Variants in DBI observed in about 807,000 individuals in gnomAD.
The protein encoded by DBI is diazepam binding inhibitor, acyl-CoA binding protein, also known as acyl-CoA-binding protein.
Under a neutral mutation model 13.0 loss-of-function variants are expected in DBI, and 12 were observed. That is an observed-to-expected ratio of 0.92 (90% CI 0.59 to 1.49). The LOEUF is 1.49. DBI is among the 40% of genes most tolerant of loss of function. The probability of loss-of-function intolerance (pLI) is 0.00; values close to 1 mark genes in which losing one functional copy is unlikely to be tolerated. For synonymous variants in DBI, 37 were observed against 37.4 expected (o/e 0.99, Z 0.04); for missense variants, 95 against 104.8 (o/e 0.91, Z 0.41).
chr2:119,367,634 C>T lies in DBI; in HGVS notation c.10-554C>T, dbSNP rs201747863. The T allele has an allele frequency of 1.2e-5, 20 of 1,614,148 alleles. No individual in the cohort carries two copies. The Admixed American group carries it at 2.2e-4, about 17-fold the overall frequency. On this transcript the variant is annotated intron_variant, in intron 1 of 3. Transcript: ENST00000355857. Reference sequence around the variant, plus strand: ...CCGCCTGCCTCTGCCAATCCGGGCACTGGGACAGAGGTCGGTGTTGAACGC... The same window carrying T: ...CCGCCTGCCTCTGCCAATCCGGGCATTGGGACAGAGGTCGGTGTTGAACGC...
intron 3 of DBI, among the ~76,000 whole-genome samples, chr2:119,371,197 A>AT (rs1681493463): frequency 6.6e-6 from 1 of 152,150 alleles, no homozygotes; most frequent in South Asian, 2.1e-4. Context: ...GTTCCTTCCT[A>AT]GCCAGAAGGA....
chr2:119,367,860 G>A, intron 1 of DBI: 1 of 1,613,990 alleles, frequency 6.2e-7, no homozygotes, highest in Non-Finnish European at 8.5e-7. Context: ...CCCGCAGAGG[G>A]GACCCCCACT....
In DBI at chr2:119,372,437, A is replaced by T; in HGVS notation, c.*119A>T. ...AATAACCAGTTAAACCAGCTACTCA[A>T]GGCTGCTCACCATACGGCTCTAACA... On this transcript the variant is annotated 3_prime_UTR_variant, in exon 4 of 4. Coordinates refer to ENST00000355857, the MANE Select transcript of DBI (RefSeq NM_001079862.4). The T allele has an allele frequency of 1.3e-6, 1 of 742,422 alleles. No homozygotes were observed. The allele number at this position is 742,422 out of a possible 1,614,324, so 46.0% of individuals were successfully genotyped here.
chr2:119,370,443 T>TA (rs1245927133), intron 2 of DBI: 11 of 213,634 alleles, frequency 5.1e-5, no homozygotes, highest in Non-Finnish European at 8.2e-5. Flanking sequence ...ATTTTTTTTT[T>TA]AATTGTAATT....
intron 3 of DBI, 105 bp from the exon 4 acceptor site, chr2:119,372,140 A>G: frequency 1.3e-6 from 1 of 781,712 alleles, no homozygotes; most frequent in Non-Finnish European, 2.2e-6. Flanking sequence ...ATTAAGTGAG[A>G]AACTGAGCCT....
chr2:119,370,467 T>C (rs902501459), intron 2 of DBI: 4 of 275,432 alleles, frequency 1.5e-5, no homozygotes, highest in African/African-American at 2.2e-5. Context: ...GTATAATTTT[T>C]TTAAAAGAGA....
chr2:119,367,954 T>A (rs1338076026), intron 1 of DBI: 1 of 1,614,084 alleles, frequency 6.2e-7, no homozygotes, highest in Admixed American at 1.7e-5. Context: ...GATATATGGT[T>A]TTCGATTGAA....
At chr2:119,372,017 G>T (rs530752885) in intron 3 of DBI, among the ~76,000 whole-genome samples, 3 of 152,212 alleles carry the variant, frequency 2.0e-5, no homozygotes, top group Non-Finnish European at 2.9e-5. Context: ...GCAGATGGGC[G>T]ACAGATCTTG....
At chr2:119,371,912 C>T (rs1404316225) in intron 3 of DBI, among the ~76,000 whole-genome samples, 1 of 152,242 alleles carries the variant, frequency 6.6e-6, no homozygotes, top group South Asian at 2.1e-4. Context: ...AAAGTCACCA[C>T]GATGACAGTT....
intron 2 of DBI, chr2:119,370,351 T>C (rs1681422706): frequency 6.4e-6 from 1 of 156,038 alleles, no homozygotes; most frequent in South Asian, 2.0e-4. Flanking sequence ...GGGAGAGAAA[T>C]TGGGTAGCTA....
intron 2 of DBI, chr2:119,368,518 T>C: frequency 1.9e-6 from 1 of 539,582 alleles, no homozygotes; most frequent in Non-Finnish European, 3.3e-6. Flanking sequence ...AGAAGGTCTT[T>C]ACTGGTTATC....
chr2:119,371,493 A>G (rs549076067), intron 3 of DBI, among the ~76,000 whole-genome samples: 2 of 152,338 alleles, frequency 1.3e-5, no homozygotes, highest in African/African-American at 4.8e-5. Flanking sequence ...AGGATCTGCA[A>G]GTAACTGGGA....
At chr2:119,367,567 C>G (rs1410069033) in intron 1 of DBI, 2 of 1,614,056 alleles carry the variant, frequency 1.2e-6, no homozygotes, top group Non-Finnish European at 8.5e-7. Context: ...AGTGTAGACC[C>G]TTGTCTGAGA....
chr2:119,371,029 G>C (rs1211220344), intron 3 of DBI, among the ~76,000 whole-genome samples: 1 of 152,198 alleles, frequency 6.6e-6, no homozygotes, highest in Non-Finnish European at 1.5e-5. Context: ...CATCTAGAGA[G>C]GAGGGGCTGG....
In DBI at chr2:119,368,287, G is replaced by C; in HGVS notation, c.109G>C (p.Val37Leu). The stretch of plus-strand genomic sequence containing the variant: ...CTATGGCCACTACAAACAAGCAACT[G>C]TGGGCGACATAAATACAGGTATGCA... Reference protein sequence around the residue: ...FIYGHYKQATVGDINTERPGM... With the variant: ...FIYGHYKQATLGDINTERPGM... Residue 37 changes from valine to leucine, a missense_variant, in exon 2 of 4, where the codon GTG becomes CTG. Transcript: ENST00000355857. 2 of 1,613,934 alleles carry C rather than the reference G, an allele frequency of 1.2e-6. No homozygotes were observed. Among genetic ancestry groups the C allele is most frequent in the Non-Finnish European group, 1.7e-6 (2 of 1,179,802 alleles).
rs752091044 is a variant in DBI at position 119,370,696 on chromosome 2, T to C, written c.128-44T>C. The C allele has an allele frequency of 1.2e-5, 19 of 1,566,864 alleles. No homozygotes were observed. The Admixed American group carries it at 2.4e-4, about 20-fold the overall frequency. ...CAAGAAGGTTGATCAAGTTCTCCAT[T>C]AGAATTTGAACCAGATCTAATGCCT... On this transcript the variant is annotated intron_variant, in intron 2 of 3. Coordinates refer to ENST00000355857, the MANE Select transcript of DBI (RefSeq NM_001079862.4).
At chr2:119,370,829 T>C in intron 3 of DBI, 27 bp downstream of exon 3, 1 of 1,601,340 alleles carries the variant, frequency 6.2e-7, no homozygotes, top group Non-Finnish European at 8.6e-7. Context: ...ATTTCTCTCA[T>C]TTGTGAAACC....
In DBI at chr2:119,372,413, A is replaced by G; in HGVS notation, c.*95A>G. The stretch of plus-strand genomic sequence containing the variant: ...CCGTGGATGGTGGGAATTCGGGAAA[A>G]TAACCAGTTAAACCAGCTACTCAAG... On this transcript the variant is annotated 3_prime_UTR_variant, in exon 4 of 4. Transcript: ENST00000355857. 1.0e-6 allele frequency: 1 copy of G among 978,658 alleles called. No homozygotes were observed. The highest frequency in any genetic ancestry group is 2.5e-5 in the East Asian group (1 of 39,842). The allele number at this position is 978,658 out of a possible 1,614,324, so 60.6% of individuals were successfully genotyped here. A position where few individuals can be genotyped will look rare whatever the true frequency, so the allele number is the denominator to read the frequency against.
At chr2:119,371,485 G>A (rs1681512863) in intron 3 of DBI, among the ~76,000 whole-genome samples, 1 of 152,136 alleles carries the variant, frequency 6.6e-6, no homozygotes. Flanking sequence ...ACACTCCTAG[G>A]ATCTGCAAGT....
Sources: allele counts gnomAD v4.1 joint callset (sites outside exome capture counted in the v4.1 genomes callset), GRCh38; gene constraint gnomAD v4.1.1; transcripts MANE v1.5; gene names NCBI Gene and HGNC (gene_info 2026-07-23, HGNC 2026-07-21).